Variants in SLC2A13 observed in about 807,000 individuals in gnomAD.
SLC2A13 encodes proton myo-inositol cotransporter.
In SLC2A13, 32 loss-of-function variants were observed where a neutral mutation model predicts 64.4. The ratio of observed to expected loss-of-function variants is 0.50; its 90% confidence interval spans 0.37 to 0.67. SLC2A13 has a LOEUF of 0.67. Ranked by LOEUF, SLC2A13 falls within the 30% of genes least tolerant of loss-of-function variation. SLC2A13 has a pLI of 0.00. For synonymous variants in SLC2A13, 338 were observed against 327.1 expected, an observed-to-expected ratio of 1.03 and a Z score of -0.36; for missense variants, 743 against 829.2, an observed-to-expected ratio of 0.90 and a Z score of 1.28.
chr12:40,089,221 T>C (rs1938684288), intron 1 of SLC2A13, among the ~76,000 whole-genome samples: 1 of 152,080 alleles, frequency 6.6e-6, no homozygotes, highest in Non-Finnish European at 1.5e-5. Flanking sequence ...AAAAAGAACA[T>C]AATGTTCTTG....
chr12:40,000,939 C>T (rs190920964), intron 3 of SLC2A13, among the ~76,000 whole-genome samples: 88 of 152,250 alleles, frequency 5.8e-4, no homozygotes, highest in Admixed American at 1.3e-3. Context: ...GCTAGCTGGC[C>T]GGCCAATGAG....
chr12:40,087,155 G>A (rs1174820800), intron 1 of SLC2A13, among the ~76,000 whole-genome samples: 2 of 152,112 alleles, frequency 1.3e-5, no homozygotes, highest in African/African-American at 4.8e-5. Flanking sequence ...CTTCCATTCA[G>A]AAAGGATCCT....
chr12:40,014,145 G>A (rs1410349691), intron 3 of SLC2A13, among the ~76,000 whole-genome samples: 1 of 152,072 alleles, frequency 6.6e-6, no homozygotes, highest in South Asian at 2.1e-4. Flanking sequence ...ATAATAATGC[G>A]CAAGTAGTAA....
At chr12:39,824,170 T>C (rs931767333) in intron 7 of SLC2A13, among the ~76,000 whole-genome samples, 2 of 152,200 alleles carry the variant, frequency 1.3e-5, no homozygotes, top group African/African-American at 4.8e-5. Flanking sequence ...GGCTATCATA[T>C]AAAAAATATA....
intron 7 of SLC2A13, among the ~76,000 whole-genome samples, chr12:39,794,177 T>C (rs930237186): frequency 2.1e-5 from 3 of 143,136 alleles, no homozygotes; most frequent in Non-Finnish European, 4.6e-5. Context: ...TTCTGCAAAA[T>C]TGCAAGAGTT....
intron 4 of SLC2A13, among the ~76,000 whole-genome samples, chr12:39,935,133 C>T (rs4768197): frequency 0.8 from 121,815 of 152,126 alleles, 48,946 homozygotes; most frequent in Non-Finnish European, 0.83. Flanking sequence ...CTCATGCCTG[C>T]AATCCCAACA....
chr12:40,093,822 G>C (rs1450247104), intron 1 of SLC2A13, among the ~76,000 whole-genome samples: 1 of 152,148 alleles, frequency 6.6e-6, no homozygotes, highest in East Asian at 1.9e-4. Context: ...AGTGGGGATG[G>C]GGAAAGATCC....
intron 7 of SLC2A13, among the ~76,000 whole-genome samples, chr12:39,828,404 T>C (rs1942751611): frequency 6.6e-6 from 1 of 152,052 alleles, no homozygotes; most frequent in Non-Finnish European, 1.5e-5. Context: ...GATGATGGTA[T>C]AAAAATACAA....
chr12:39,954,909 T>C (rs1016561986), intron 3 of SLC2A13, among the ~76,000 whole-genome samples: 10 of 152,142 alleles, frequency 6.6e-5, no homozygotes, highest in Non-Finnish European at 7.4e-5. Context: ...AAACCTACAA[T>C]TGTACTCTCA....
intron 3 of SLC2A13, among the ~76,000 whole-genome samples, chr12:39,996,982 T>C (rs532002143): frequency 6.6e-6 from 1 of 152,066 alleles, no homozygotes; most frequent in Non-Finnish European, 1.5e-5. Flanking sequence ...ACAAATTCAA[T>C]GCAATTCCAA....
rs547410616 is a variant in SLC2A13, at chr12:39,820,468, A to T, written c.1445+9635T>A. On this transcript the variant is annotated intron_variant, in intron 7 of 9. Coordinates refer to ENST00000280871, the MANE Select transcript of SLC2A13 (RefSeq NM_052885.4). ...TATTGTACAAACTACACAAGTTGTA[A>T]ACCCAGATCGCATGTAGTGGAAAAC... Among the ~76,000 whole-genome samples, 3 of 152,300 alleles carry T rather than the reference A, an allele frequency of 2.0e-5. No individual in the cohort carries two copies. In the South Asian group the frequency reaches 6.2e-4, roughly 32 times the overall value.
chr12:39,895,547 T>C (rs1257665584), intron 4 of SLC2A13, among the ~76,000 whole-genome samples: 867 of 83,824 alleles, frequency 0.01, 134 homozygotes, highest in African/African-American at 0.031. Flanking sequence ...TATATATATA[T>C]ATATACACAC....
chr12:39,900,934 A>G (rs1417381094), intron 4 of SLC2A13, among the ~76,000 whole-genome samples: 14 of 152,206 alleles, frequency 9.2e-5, no homozygotes, highest in Non-Finnish European at 1.5e-5. Flanking sequence ...CCTGACTTCA[A>G]ACTATACCAC....
chr12:39,819,761 C>T (rs1005881398), intron 7 of SLC2A13: 1 of 152,396 alleles, frequency 6.6e-6, no homozygotes, highest in Non-Finnish European at 1.5e-5. Context: ...AATGTACTGG[C>T]TTTCTGAATA....
chr12:40,062,049 CA>C (rs552523418), intron 1 of SLC2A13, among the ~76,000 whole-genome samples: 124 of 152,098 alleles, frequency 8.2e-4, no homozygotes, highest in African/African-American at 2.7e-3. Context: ...TACTGTAGAT[CA>C]GGGGGGAAAG....
Position 40,105,521 on chromosome 12 carries a change from G to T in SLC2A13, c.288C>A (p.Gly96=). 6.3e-7 allele frequency: 1 copy of T among 1,582,404 alleles called. No homozygotes were observed. Among genetic ancestry groups the T allele is most frequent in the Non-Finnish European group, 8.6e-7 (1 of 1,166,738 alleles). The part of the protein sequence containing the change: ...VFSALGGFLF[G]YDTGVVSGAM... Reference sequence around the variant, plus strand: ...CCCCTGACACCACCCCGGTGTCATAGCCAAACAGGAAGCCGCCCAGCGCGG... The same window carrying T: ...CCCCTGACACCACCCCGGTGTCATATCCAAACAGGAAGCCGCCCAGCGCGG... The change falls in exon 1 of 10, where the codon GGC becomes GGA. Residue 96 remains glycine, a synonymous_variant. Transcript: ENST00000280871. This position sits in a 1 kb window ranked among gnomAD's most constrained non-coding sequence, Gnocchi z 4.2.
At chr12:39,931,193 A>G (rs1054958355) in intron 4 of SLC2A13, among the ~76,000 whole-genome samples, 3 of 152,238 alleles carry the variant, frequency 2.0e-5, no homozygotes, top group Admixed American at 2.0e-4. Flanking sequence ...ATACAGAGAA[A>G]CAATCTTGCG....
chr12:39,767,462 C>T (rs746092727), intron 7 of SLC2A13, among the ~76,000 whole-genome samples: 7 of 152,042 alleles, frequency 4.6e-5, no homozygotes, highest in East Asian at 1.9e-4. Context: ...ATTTTTGGAG[C>T]GGCAAATGAG....
chr12:39,776,038 T>C (rs956612348), intron 7 of SLC2A13, among the ~76,000 whole-genome samples: 4 of 152,338 alleles, frequency 2.6e-5, no homozygotes, highest in South Asian at 2.1e-4. Flanking sequence ...AGTATTAATT[T>C]GAGAAGATGG....
Sources: gnomAD v4.1 joint callset for allele counts (sites outside exome capture counted in the v4.1 genomes callset) on GRCh38, gnomAD v4.1.1 for gene constraint, Gnocchi (gnomAD v3.1) non-coding constraint, MANE v1.5 for transcripts, NCBI Gene and HGNC (gene_info 2026-07-23, HGNC 2026-07-21) for gene names.